ARHGAP23: variants seen among roughly 807,000 people sequenced by gnomAD.
ARHGAP23 encodes Rho GTPase activating protein 23.
In ARHGAP23, 34 loss-of-function variants were observed where a neutral mutation model predicts 136.3. The observed-to-expected ratio is 0.25, with a 90% CI of 0.19 to 0.33. The LOEUF is 0.33. ARHGAP23 is among the 10% of genes least tolerant of loss of function. The probability of loss-of-function intolerance (pLI) is 1.00; values close to 1 mark genes in which losing one functional copy is unlikely to be tolerated. For missense variants in ARHGAP23, 1,808 were observed against 2,139.0 expected, an observed-to-expected ratio of 0.85 and a Z score of 3.05; for synonymous variants, 832 against 920.5, an observed-to-expected ratio of 0.90 and a Z score of 1.74.
intron 1 of ARHGAP23, among the ~76,000 whole-genome samples, chr17:38,445,685 A>G (rs1158706258): frequency 6.7e-6 from 1 of 149,992 alleles, no homozygotes; most frequent in Non-Finnish European, 1.5e-5. Context: ...CCCAGGCTGG[A>G]GTGCAGTGGT....
At chr17:38,451,823 G>C (rs1050411554) in intron 1 of ARHGAP23, 1 of 152,822 alleles carries the variant, frequency 6.5e-6, no homozygotes, top group South Asian at 2.1e-4. Flanking sequence ...CGAATCCTTA[G>C]TTTTCTAGCG....
intron 1 of ARHGAP23, among the ~76,000 whole-genome samples, chr17:38,429,828 G>A (rs1033690737): frequency 2.6e-5 from 4 of 152,020 alleles, no homozygotes; most frequent in Non-Finnish European, 2.9e-5. Flanking sequence ...CCAACCCTGC[G>A]GCCTAGCTGG....
At chr17:38,501,142 A>G (rs1456236974) in intron 23 of ARHGAP23, 1 of 152,498 alleles carries the variant, frequency 6.6e-6, no homozygotes, top group African/African-American at 2.4e-5. Context: ...ACAGTTGAAA[A>G]AAAGCAATGA....
At position 38,477,468 on chromosome 17, in the gene ARHGAP23, A is replaced by G. The variant is rs919563858; in HGVS notation, c.2119-111A>G. ...CCGGGTGGAGCAGGGGGCTCCTGGT[A>G]GGCAGCGTGGGGTCCATCCCCTGGC... On this transcript the variant is annotated intron_variant, in intron 11 of 23. Coordinates refer to ENST00000622683, the MANE Select transcript of ARHGAP23 (RefSeq NM_001199417.2). This position sits in a 1 kb window ranked among gnomAD's most constrained non-coding sequence, Gnocchi z 6.6. 52 of 1,026,908 alleles carry G rather than the reference A, an allele frequency of 5.1e-5. No individual in the cohort carries two copies. The highest frequency in any genetic ancestry group is 7.0e-5 in the African/African-American group (4 of 57,476). 63.6% of individuals were successfully genotyped at this position (1,026,908 alleles called of 1,614,324 possible). A position where few individuals can be genotyped will look rare whatever the true frequency, so the allele number is the denominator to read the frequency against.
chr17:38,452,212 CCTT>C (rs890771811), intron 1 of ARHGAP23: 1 of 152,742 alleles, frequency 6.5e-6, no homozygotes, highest in Non-Finnish European at 1.5e-5. Flanking sequence ...TGCTTCTCCA[CCTT>C]CTGACACTTT....
chr17:38,486,486 G>T (rs962865718), intron 17 of ARHGAP23, among the ~76,000 whole-genome samples: 5 of 149,186 alleles, frequency 3.4e-5, no homozygotes, highest in African/African-American at 9.9e-5. Flanking sequence ...CCTCCTGCCT[G>T]CCCCAGCCTC....
chr17:38,457,405 A>T (rs1331199880), intron 1 of ARHGAP23: 1 of 153,138 alleles, frequency 6.5e-6, no homozygotes, highest in African/African-American at 2.4e-5. Flanking sequence ...TTCTTGAAGG[A>T]TGCGTGTGTG....
intron 1 of ARHGAP23, among the ~76,000 whole-genome samples, chr17:38,455,977 C>T (rs1436352631): frequency 2.0e-5 from 3 of 152,158 alleles, no homozygotes; most frequent in Non-Finnish European, 1.5e-5. Flanking sequence ...ACCTCCTGGA[C>T]TGGGGGTCTT....
chr17:38,423,644 A>G (rs2038542078), upstream of ARHGAP23, among the ~76,000 whole-genome samples: 1 of 152,080 alleles, frequency 6.6e-6, no homozygotes, highest in African/African-American at 2.4e-5. Flanking sequence ...GAGTGCTGGG[A>G]TTACAGATGT....
chr17:38,489,056 A>G (rs1178174579), intron 17 of ARHGAP23, among the ~76,000 whole-genome samples: 7 of 149,468 alleles, frequency 4.7e-5, no homozygotes, highest in African/African-American at 1.5e-4. Context: ...TTATATTTTT[A>G]GTAAAGATGA....
intron 14 of ARHGAP23, 59 bp downstream of exon 14, chr17:38,479,942 A>G (rs2039995088): frequency 6.7e-7 from 1 of 1,498,502 alleles, no homozygotes; most frequent in Non-Finnish European, 9.0e-7. Flanking sequence ...TGGGGAGGGG[A>G]GGGCACGCGT....
Position 38,466,246 on chromosome 17 carries a change from T to A in ARHGAP23, c.563T>A (p.Ile188Asn). The A allele has an allele frequency of 6.5e-7, 1 of 1,546,542 alleles. No homozygotes were observed. The highest frequency in any genetic ancestry group is 8.7e-7 in the Non-Finnish European group (1 of 1,145,216). ...CGCAGCATCCCAGAGCCACCCCCGATCTGCTACCCCCGCAAGACCTACGCC... is the reference window on the plus strand; with the variant it reads ...CGCAGCATCCCAGAGCCACCCCCGAACTGCTACCCCCGCAAGACCTACGCC... ...EARSIPEPPP[I>N]CYPRKTYAPP... is the part of the protein sequence containing the mutation. The change falls in exon 7 of 24, where the codon ATC becomes AAC. Residue 188 changes from isoleucine to asparagine, a missense_variant. Ile to Asn is a moderately radical substitution (Grantham distance 149). Coordinates refer to ENST00000622683, the MANE Select transcript of ARHGAP23 (RefSeq NM_001199417.2).
At chr17:38,467,753 C>A (rs957531294) in intron 7 of ARHGAP23, among the ~76,000 whole-genome samples, 1 of 152,036 alleles carries the variant, frequency 6.6e-6, no homozygotes, top group Non-Finnish European at 1.5e-5. Context: ...TTCTTTTGTT[C>A]ATTCATTTGT....
At chr17:38,473,103 ATT>A (rs59594005) in intron 11 of ARHGAP23, among the ~76,000 whole-genome samples, 5,965 of 129,932 alleles carry the variant, frequency 0.046, 188 homozygotes, top group Middle Eastern at 0.14. Flanking sequence ...AACCCGGCTA[ATT>A]TTTTTTTTTT....
chr17:38,424,399 TCCCTCCTCCCTGGGGC>T (rs1432042857), upstream of ARHGAP23, among the ~76,000 whole-genome samples: 1 of 152,044 alleles, frequency 6.6e-6, no homozygotes, highest in Non-Finnish European at 1.5e-5. Flanking sequence ...CAGATTCGAC[TCCCTCCTCCCTGGGGC>T]CCCTCCTCCC....
rs1483290472 is a variant in ARHGAP23 at position 38,510,154 on chromosome 17, G to A, written c.3658G>A (p.Ala1220Thr). ...QERPQGPLPG[A>T]VAPEAPGRLS... ...GCGGCCGCAGGGGCCGCTGCCTGGC[G>A]CCGTCGCCCCCGAGGCCCCCGGACG... The change falls in exon 24 of 24, where the codon GCC becomes ACC. Residue 1220 changes from alanine to threonine, a missense_variant. Physicochemically the swap from Ala to Thr is moderately conservative, Grantham distance 58. Coordinates refer to ENST00000622683, the MANE Select transcript of ARHGAP23 (RefSeq NM_001199417.2). This position sits in a 1 kb window ranked among gnomAD's most constrained non-coding sequence, Gnocchi z 4.6. 22 of 1,283,506 alleles carry A rather than the reference G, an allele frequency of 1.7e-5. No individual in the cohort carries two copies. Among genetic ancestry groups the A allele is most frequent in the Non-Finnish European group, 2.1e-5 (22 of 1,023,776 alleles). 79.5% of individuals were successfully genotyped at this position (1,283,506 alleles called of 1,614,324 possible).
At position 38,511,320 on chromosome 17, in the gene ARHGAP23, C is replaced by T. The variant is rs998566316; in HGVS notation, c.*348C>T. 4.0e-5 allele frequency: 11 copies of T among 277,204 alleles called. No homozygotes were observed. The highest frequency in any genetic ancestry group is 1.1e-4 in the Admixed American group (2 of 18,794). The allele number at this position is 277,204 out of a possible 1,614,324, so 17.2% of individuals were successfully genotyped here. ...TGGACCATGGGGTGTGGCTAGGGAA[C>T]CCCTAAGTTTCAGACTAAAGGAAAG... On this transcript the variant is annotated 3_prime_UTR_variant, in exon 24 of 24. Transcript: ENST00000622683.
rs186441789 is a variant in ARHGAP23, at chr17:38,456,602, G to C, written c.64-1500G>C. Among the ~76,000 whole-genome samples the C allele has an allele frequency of 1.6e-4, 24 of 152,278 alleles. No homozygotes were observed. In the East Asian group the frequency reaches 4.4e-3, roughly 28 times the overall value. On this transcript the variant is annotated intron_variant, in intron 1 of 23. Coordinates refer to ENST00000622683, the MANE Select transcript of ARHGAP23 (RefSeq NM_001199417.2). The stretch of plus-strand genomic sequence containing the variant: ...GGGCAACATAGAGGTTAGGCCACAT[G>C]ATGTTATGGATTTAAGAGTCCTCTA...
intron 1 of ARHGAP23, among the ~76,000 whole-genome samples, chr17:38,437,628 C>A (rs932647158): frequency 1.3e-5 from 2 of 151,802 alleles, no homozygotes; most frequent in African/African-American, 2.4e-5. Context: ...CCCTACCCCC[C>A]CCAAAAAATA....
Sources: allele counts gnomAD v4.1 joint callset (sites outside exome capture counted in the v4.1 genomes callset), GRCh38; gene constraint gnomAD v4.1.1; non-coding constraint Gnocchi (gnomAD v3.1); transcripts MANE v1.5; gene names NCBI Gene and HGNC (gene_info 2026-07-23, HGNC 2026-07-21).